RASSF8: variants seen among roughly 807,000 people sequenced by gnomAD.
RASSF8 encodes the protein ras association domain-containing protein 8.
Under a neutral mutation model 48.5 loss-of-function variants are expected in RASSF8, and 22 were observed. The ratio of observed to expected loss-of-function variants is 0.45; its 90% CI spans 0.32 to 0.65. The LOEUF is 0.65. Ranked by LOEUF, RASSF8 falls within the 30% of genes least tolerant of loss-of-function variation. The pLI, the probability that RASSF8 is intolerant of heterozygous loss-of-function variation, is 0.03. For synonymous variants in RASSF8, 127 were observed against 171.5 expected, an observed-to-expected ratio of 0.74 and a Z score of 2.03; for missense variants, 418 against 489.2, an observed-to-expected ratio of 0.85 and a Z score of 1.37.
intron 1 of RASSF8, among the ~76,000 whole-genome samples, chr12:25,966,941 C>G (rs756385328): frequency 2.0e-5 from 3 of 152,154 alleles, no homozygotes; most frequent in Admixed American, 6.5e-5. Flanking sequence ...TTTTGTATTT[C>G]TTACATGGTG....
At chr12:26,053,992 T>G (rs1051159001) in intron 2 of RASSF8, among the ~76,000 whole-genome samples, 1 of 152,250 alleles carries the variant, frequency 6.6e-6, no homozygotes, top group Non-Finnish European at 1.5e-5. Context: ...CCACTGTTTG[T>G]AGTAACTACT....
At chr12:26,075,996 G>A (rs1482579989), downstream of RASSF8, among the ~76,000 whole-genome samples, 1 of 152,050 alleles carries the variant, frequency 6.6e-6, no homozygotes, top group Non-Finnish European at 1.5e-5. Flanking sequence ...AGCCCATCTC[G>A]ACAAGCTAAA....
intron 2 of RASSF8, among the ~76,000 whole-genome samples, chr12:26,040,371 G>GGT (rs1215032730): frequency 6.6e-6 from 1 of 152,210 alleles, no homozygotes; most frequent in Non-Finnish European, 1.5e-5. Context: ...ATATCAGTGA[G>GGT]GTAGGACATG....
rs1453063579 is a variant in RASSF8, at chr12:26,071,258, A to G, written c.*2440A>G. The G allele has an allele frequency of 1.0e-6, 1 of 984,148 alleles. No homozygotes were observed. Among genetic ancestry groups the G allele is most frequent in the East Asian group, 1.1e-4 (1 of 8,832 alleles). The allele number at this position is 984,148 out of a possible 1,614,324, so 61.0% of individuals were successfully genotyped here. A position where few individuals can be genotyped will look rare whatever the true frequency, so the allele number is the denominator to read the frequency against. ...TTTGTGATCATTTTTATCTATTGCA[A>G]ATACAAATGAATTAGATAAGTGCCA... On this transcript the variant is annotated 3_prime_UTR_variant, in exon 6 of 6. Coordinates refer to ENST00000689635, the MANE Select transcript of RASSF8 (RefSeq NM_001394098.1).
chr12:26,045,912 C>T (rs943168953), intron 2 of RASSF8, among the ~76,000 whole-genome samples: 3 of 152,114 alleles, frequency 2.0e-5, no homozygotes, highest in Non-Finnish European at 4.4e-5. Flanking sequence ...CCATCTCTTA[C>T]GTAGACAAAA....
rs141725074 is a variant in RASSF8, at chr12:25,995,803, A to G, written c.-109+673A>G. ...GGGAAAATAATTTGACCTTGTTTGT[A>G]GTAGGTAAATCACTTATGAATAAAT... is the stretch of plus-strand genomic sequence containing the variant. On this transcript the variant is annotated intron_variant, in intron 2 of 5. Transcript: ENST00000689635. 3.0e-3 allele frequency among the ~76,000 whole-genome samples: 464 copies of G among 152,322 alleles called. 6 individuals carry two copies. The highest frequency in any genetic ancestry group is 0.011 in the African/African-American group (443 of 41,578).
intron 2 of RASSF8, among the ~76,000 whole-genome samples, chr12:26,032,940 T>C (rs1943059218): frequency 6.6e-6 from 1 of 152,200 alleles, no homozygotes; most frequent in Non-Finnish European, 1.5e-5. Flanking sequence ...AAAGCTAAAA[T>C]ATTACATAAT....
Position 26,072,290 on chromosome 12 carries a change from T to G in RASSF8, c.*3472T>G. 1.0e-6 allele frequency: 1 copy of G among 984,908 alleles called. No individual in the cohort carries two copies. The highest frequency in any genetic ancestry group is 1.2e-6 in the Non-Finnish European group (1 of 829,428). 61.0% of individuals were successfully genotyped at this position (984,908 alleles called of 1,614,324 possible). On this transcript the variant is annotated 3_prime_UTR_variant, in exon 6 of 6. Transcript: ENST00000689635. ...CTATTTGCTACAGTATTTTTAAGTT[T>G]GGGGTGAAGGCCATCAGCTGTATCA...
At position 26,035,059 on chromosome 12, in the gene RASSF8, G is replaced by GT. The variant is rs551934217; in HGVS notation, c.-108-20175dup. Among the ~76,000 whole-genome samples, 123 of 152,174 alleles carry GT rather than the reference G, an allele frequency of 8.1e-4. 1 individual carries two copies. The highest frequency in any genetic ancestry group is 3.4e-3 in the Middle Eastern group (1 of 294). On this transcript the variant is annotated intron_variant, in intron 2 of 5. Transcript: ENST00000689635. ...ATAAACTTTAATAGACGTTTTTCCAGTTGTCCAATACTACTGGTAAAAATT... is the reference window on the plus strand; with the variant it reads ...ATAAACTTTAATAGACGTTTTTCCAGTTTGTCCAATACTACTGGTAAAAATT...
rs1943984347 is a variant in RASSF8, at chr12:26,070,852, G to C, written c.*2034G>C. On this transcript the variant is annotated 3_prime_UTR_variant, in exon 6 of 6. Coordinates refer to ENST00000689635, the MANE Select transcript of RASSF8 (RefSeq NM_001394098.1). The stretch of plus-strand genomic sequence containing the variant: ...AATTAGGAGTTTCAGAGATGCCTTG[G>C]CATACCACGAAAAACACTGTCAATA... 1.0e-6 allele frequency: 1 copy of C among 984,012 alleles called. No individual in the cohort carries two copies. The allele number at this position is 984,012 out of a possible 1,614,324, so 61.0% of individuals were successfully genotyped here. A position where few individuals can be genotyped will look rare whatever the true frequency, so the allele number is the denominator to read the frequency against.
exon 6 of RASSF8, chr12:26,079,036 T>A (rs1364169004): frequency 6.5e-7 from 1 of 1,546,522 alleles, no homozygotes. Flanking sequence ...TATCTAGGGA[T>A]CATCATTCTT....
intron 1 of RASSF8, among the ~76,000 whole-genome samples, chr12:25,961,412 C>A (rs746963309): frequency 1.3e-5 from 2 of 152,124 alleles, no homozygotes; most frequent in African/African-American, 4.8e-5. Context: ...ATTTGGATTA[C>A]AAAATAATAT....
chr12:26,076,260 T>A (rs371004502), downstream of RASSF8, among the ~76,000 whole-genome samples: 14 of 121,486 alleles, frequency 1.2e-4, no homozygotes, highest in African/African-American at 4.3e-4. Context: ...CACAAAAATC[T>A]TTTTTTTTTT....
chr12:26,038,396 T>G (rs1357169026), intron 2 of RASSF8, among the ~76,000 whole-genome samples: 1 of 152,190 alleles, frequency 6.6e-6, no homozygotes, highest in East Asian at 1.9e-4. Flanking sequence ...TTTTATACTT[T>G]GTGTTTAGAA....
chr12:25,977,372 A>G (rs1247707150), intron 1 of RASSF8, among the ~76,000 whole-genome samples: 1 of 152,162 alleles, frequency 6.6e-6, no homozygotes, highest in Non-Finnish European at 1.5e-5. Flanking sequence ...ACAGAGAGAA[A>G]CTAACTGGCT....
At chr12:26,044,842 G>A (rs1360242662) in intron 2 of RASSF8, among the ~76,000 whole-genome samples, 1 of 152,040 alleles carries the variant, frequency 6.6e-6, no homozygotes, top group African/African-American at 2.4e-5. Flanking sequence ...TAATTGCAGA[G>A]CAGCACACAG....
Position 26,071,497 on chromosome 12 carries a change from A to AAG in RASSF8, c.*2679_*2680insAG, listed in dbSNP as rs1007996697. 4.9e-5 allele frequency: 47 copies of AAG among 963,268 alleles called. No homozygotes were observed. In the African/African-American group the frequency reaches 7.9e-4, roughly 16 times the overall value. 59.7% of individuals were successfully genotyped at this position (963,268 alleles called of 1,614,324 possible). On this transcript the variant is annotated 3_prime_UTR_variant, in exon 6 of 6. Coordinates refer to ENST00000689635, the MANE Select transcript of RASSF8 (RefSeq NM_001394098.1). ...GATCTTTTTATCTTACCAAGAAATA[A>AAG]TTTGGAATAGCATTGGTATATTTGA...
At chr12:25,966,941 C>T (rs756385328) in intron 1 of RASSF8, among the ~76,000 whole-genome samples, 3 of 152,154 alleles carry the variant, frequency 2.0e-5, no homozygotes, top group Non-Finnish European at 4.4e-5. Flanking sequence ...TTTTGTATTT[C>T]TTACATGGTG....
At chr12:26,061,843 C>CT (rs1943750716) in intron 3 of RASSF8, among the ~76,000 whole-genome samples, 1 of 151,856 alleles carries the variant, frequency 6.6e-6, no homozygotes, top group Non-Finnish European at 1.5e-5. Context: ...TTAAAAAAAG[C>CT]TTTTTTATAT....
Sources: allele counts gnomAD v4.1 joint callset (sites outside exome capture counted in the v4.1 genomes callset), GRCh38; gene constraint gnomAD v4.1.1; transcripts MANE v1.5; gene names NCBI Gene and HGNC (gene_info 2026-07-23, HGNC 2026-07-21).